NMBR: variants seen among roughly 807,000 people sequenced by gnomAD.
The protein encoded by NMBR is neuromedin-B receptor.
Under a neutral mutation model 20.5 loss-of-function variants are expected in NMBR, and 16 were observed. The ratio of observed to expected loss-of-function variants is 0.78; its 90% confidence interval spans 0.53 to 1.19. NMBR has a LOEUF of 1.19. Among genes scored for constraint, NMBR ranks in the 50% most tolerant of loss-of-function variants. The probability of loss-of-function intolerance (pLI) is 0.00; values close to 1 mark genes in which losing one functional copy is unlikely to be tolerated. For synonymous variants in NMBR, 212 were observed against 196.6 expected (o/e 1.08, Z -0.65); for missense variants, 582 against 499.1 (o/e 1.17, Z -1.58).
Position 142,088,599 on chromosome 6 carries a change from G to A in NMBR, c.60C>T (p.Ser20=), listed in dbSNP as rs200079850. Residue 20 remains serine (S), a synonymous_variant, in exon 2 of 4, where the codon TCC becomes TCT. Coordinates refer to ENST00000258042, the MANE Select transcript of NMBR (RefSeq NM_002511.4). ...AATCCCTTTCCCACCCCTCGGGAAC[G>A]GAACCGCTCTCATTCGCGCCGGTGG... ...SVTTGANESG[S]VPEGWERDFL... is the part of the protein sequence containing the mutation. 9.3e-6 allele frequency: 15 copies of A among 1,611,938 alleles called. No homozygotes were observed. Among genetic ancestry groups the A allele is most frequent in the Non-Finnish European group, 1.3e-5 (15 of 1,179,960 alleles).
rs755305618 is a variant in NMBR at position 142,088,313 on chromosome 6, A to C, written c.346T>G (p.Cys116Gly). Residue 116 changes from cysteine to glycine, a missense_variant, in exon 2 of 4, where the codon TGC becomes GGC. Physicochemically the swap from Cys to Gly is radical, Grantham distance 159. Transcript: ENST00000258042. ...AGCTGGATGACAGGGATCAGTTTGC[A>C]GCCCACCTTGCCAAACATCCACTCG... Reference protein sequence around the residue: ...FDEWMFGKVGCKLIPVIQLTS... With the variant: ...FDEWMFGKVGGKLIPVIQLTS... 5 of 1,614,100 alleles carry C rather than the reference A, an allele frequency of 3.1e-6. No individual in the cohort carries two copies. In the Admixed American group the frequency reaches 6.7e-5, roughly 22 times the overall value.
chr6:142,121,059 A>C (rs558415851), intron 1 of NMBR, among the ~76,000 whole-genome samples: 8 of 152,078 alleles, frequency 5.3e-5, no homozygotes, highest in African/African-American at 1.9e-4. Flanking sequence ...CAAAATTTCA[A>C]AAGTTTTCAT....
chr6:142,138,665 A>T (rs950315538), intron 1 of NMBR, among the ~76,000 whole-genome samples: 1 of 151,802 alleles, frequency 6.6e-6, no homozygotes, highest in Non-Finnish European at 1.5e-5. Flanking sequence ...TAGATAACAT[A>T]CCCCTTGATT....
chr6:142,109,839 C>T (rs1777729019), intron 1 of NMBR, among the ~76,000 whole-genome samples: 1 of 151,810 alleles, frequency 6.6e-6, no homozygotes, highest in Non-Finnish European at 1.5e-5. Flanking sequence ...TAAAAGAGGC[C>T]CAAGGGAGTT....
chr6:142,080,797 G>C (rs79436914), intron 2 of NMBR, among the ~76,000 whole-genome samples: 3,653 of 152,218 alleles, frequency 0.024, 113 homozygotes, highest in South Asian at 0.068. Context: ...GACAAGGAAA[G>C]GGCAGAGAGG....
intron 1 of NMBR, among the ~76,000 whole-genome samples, chr6:142,142,188 A>T (rs1387698433): frequency 3.3e-5 from 5 of 152,224 alleles, no homozygotes; most frequent in Non-Finnish European, 1.5e-5. Flanking sequence ...GATTTTTAAA[A>T]TTTTAAATCC....
chr6:142,080,405 G>C (rs1049074226), intron 2 of NMBR, among the ~76,000 whole-genome samples: 2 of 147,162 alleles, frequency 1.4e-5, no homozygotes, highest in African/African-American at 5.1e-5. Flanking sequence ...CCACCTCCCA[G>C]GTTCAAGCAA....
At chr6:142,140,168 TA>T (rs1325086601) in intron 1 of NMBR, among the ~76,000 whole-genome samples, 2 of 151,902 alleles carry the variant, frequency 1.3e-5, no homozygotes, top group East Asian at 3.9e-4. Context: ...AAAAATAATT[TA>T]ATAAGGATAT....
intron 1 of NMBR, among the ~76,000 whole-genome samples, chr6:142,112,779 A>G (rs1432271837): frequency 6.6e-6 from 1 of 152,194 alleles, no homozygotes; most frequent in Admixed American, 6.5e-5. Context: ...ATTTTCATCA[A>G]TGCTATTTAA....
At chr6:142,106,447 T>C (rs539588639) in intron 1 of NMBR, among the ~76,000 whole-genome samples, 6 of 152,336 alleles carry the variant, frequency 3.9e-5, no homozygotes, top group African/African-American at 7.2e-5. Flanking sequence ...ATTTAACTGA[T>C]AATTTTGAAA....
At chr6:142,093,395 A>G (rs1014795043) in intron 1 of NMBR, among the ~76,000 whole-genome samples, 5 of 145,668 alleles carry the variant, frequency 3.4e-5, no homozygotes, top group African/African-American at 1.3e-4. Context: ...GAGTGAGAAC[A>G]TGCAGTGTTT....
At chr6:142,134,806 GAA>G in intron 1 of NMBR, 1 of 675,424 alleles carries the variant, frequency 1.5e-6, no homozygotes, top group South Asian at 1.6e-5. Flanking sequence ...AGAACACTTT[GAA>G]AAAACCATTT....
chr6:142,093,956 G>A (rs113513297), intron 1 of NMBR, among the ~76,000 whole-genome samples: 1 of 149,310 alleles, frequency 6.7e-6, no homozygotes, highest in Non-Finnish European at 1.5e-5. Flanking sequence ...GTGTTCTTTT[G>A]AGAAGTGTCT....
chr6:142,079,538 T>C (rs1466803175), intron 2 of NMBR, among the ~76,000 whole-genome samples: 1 of 152,202 alleles, frequency 6.6e-6, no homozygotes, highest in African/African-American at 2.4e-5. Flanking sequence ...ATATAAGATA[T>C]TCACAAAATA....
chr6:142,127,881 A>AT (rs1235399675), intron 1 of NMBR, among the ~76,000 whole-genome samples: 1 of 151,806 alleles, frequency 6.6e-6, no homozygotes, highest in African/African-American at 2.4e-5. Context: ...TTCTAACAGG[A>AT]TTTTTTGGTT....
intron 1 of NMBR, among the ~76,000 whole-genome samples, chr6:142,122,279 C>T (rs1777957023): frequency 6.6e-6 from 1 of 151,886 alleles, no homozygotes; most frequent in African/African-American, 2.4e-5. Context: ...CCTATGAAGG[C>T]TAAGAGAGCT....
At chr6:142,131,809 C>A (rs773859926) in intron 1 of NMBR, among the ~76,000 whole-genome samples, 2 of 152,154 alleles carry the variant, frequency 1.3e-5, no homozygotes, top group Non-Finnish European at 2.9e-5. Flanking sequence ...ATTCTATACA[C>A]CCCTGAAAGG....
At chr6:142,084,159 A>G (rs1410173816) in intron 2 of NMBR, among the ~76,000 whole-genome samples, 2 of 152,226 alleles carry the variant, frequency 1.3e-5, no homozygotes, top group East Asian at 1.9e-4. Context: ...GAAAAGTCCT[A>G]TGAAGCCTAG....
At chr6:142,102,641 G>GATGTAGGTTAAGAGGAGTGGAACCTATA (rs1300318462) in intron 1 of NMBR, among the ~76,000 whole-genome samples, 9 of 152,294 alleles carry the variant, frequency 5.9e-5, no homozygotes, top group African/African-American at 2.2e-4. Context: ...TTTAACCTGT[G>GATGTAGGTTAAGAGGAGTGGAACCTATA]ATGTAGGTTA....
Sources: gnomAD v4.1 joint callset for allele counts (sites outside exome capture counted in the v4.1 genomes callset) on GRCh38, gnomAD v4.1.1 for gene constraint, MANE v1.5 for transcripts, NCBI Gene and HGNC (gene_info 2026-07-23, HGNC 2026-07-21) for gene names.